The following LRRC7 variants were observed in gnomAD, a reference collection of about 807,000 sequenced individuals.
The protein encoded by LRRC7 is leucine rich repeat containing 7, also known as leucine-rich repeat-containing protein 7.
A neutral mutation model predicts 175.7 loss-of-function variants in LRRC7; 23 were observed. That is an observed-to-expected ratio of 0.13 (90% confidence interval 0.09 to 0.19). The LOEUF is 0.19. Ranked by LOEUF, LRRC7 falls within the 10% of genes least tolerant of loss-of-function variation. LRRC7 has a pLI of 1.00. For synonymous variants in LRRC7, 685 were observed against 680.9 expected (o/e 1.01, Z -0.09); for missense variants, 1,354 against 1,904.7 (o/e 0.71, Z 5.38).
chr1:69,828,705 T>A lies in LRRC7; in HGVS notation c.500+2879T>A, dbSNP rs540189151. Among the ~76,000 whole-genome samples, 53 of 152,184 alleles carry A rather than the reference T, an allele frequency of 3.5e-4. No individual in the cohort carries two copies. In the East Asian group the frequency reaches 7.7e-3, roughly 22 times the overall value. On this transcript the variant is annotated intron_variant, in intron 5 of 26. Transcript: ENST00000651989. ...ATGAGTTACACTTTTATCTTTATTT[T>A]CCAAATGTTCTCTAACATTATGATG...
At chr1:69,803,190 T>G (rs1253085359) in intron 4 of LRRC7, among the ~76,000 whole-genome samples, 1 of 151,420 alleles carries the variant, frequency 6.6e-6, no homozygotes, top group Non-Finnish European at 1.5e-5. Context: ...TATCTGAAAA[T>G]ACAAGTCCAC....
chr1:69,700,805 A>G (rs1446683645), intron 2 of LRRC7, among the ~76,000 whole-genome samples: 1 of 152,154 alleles, frequency 6.6e-6, no homozygotes, highest in South Asian at 2.1e-4. Flanking sequence ...TGAAATTACT[A>G]TGTCCCCATT....
intron 1 of LRRC7, among the ~76,000 whole-genome samples, chr1:69,637,202 G>T (rs1402887670): frequency 6.6e-6 from 1 of 151,748 alleles, no homozygotes; most frequent in Non-Finnish European, 1.5e-5. Flanking sequence ...ATTTTGAGGA[G>T]GTAGGTTTTA....
chr1:70,058,119 C>T (rs1417375721), intron 23 of LRRC7, among the ~76,000 whole-genome samples: 3 of 151,502 alleles, frequency 2.0e-5, no homozygotes, highest in Non-Finnish European at 2.9e-5. Context: ...AAGTGATTCG[C>T]GCGCCTCACC....
In LRRC7 at chr1:69,925,541, G is replaced by T. The variant is rs183908111; in HGVS notation, c.648-5966G>T. Among the ~76,000 whole-genome samples the T allele has an allele frequency of 5.5e-4, 83 of 152,142 alleles. 1 individual carries two copies. Among genetic ancestry groups the T allele is most frequent in the Admixed American group, 2.6e-4 (4 of 15,278 alleles). On this transcript the variant is annotated intron_variant, in intron 7 of 26. Coordinates refer to ENST00000651989, the MANE Select transcript of LRRC7 (RefSeq NM_001370785.2). ...GGTTTAGTCTTGGGAGGGTGTATGT[G>T]TCGAGGAATTTCTCCATTTCTTCTA...
At chr1:69,905,706 T>C (rs1162150554) in intron 7 of LRRC7, among the ~76,000 whole-genome samples, 10 of 152,194 alleles carry the variant, frequency 6.6e-5, no homozygotes, top group African/African-American at 1.4e-4. Context: ...TGAATAGTGC[T>C]GCAATAAACA....
intron 7 of LRRC7, among the ~76,000 whole-genome samples, chr1:69,930,466 AC>A (rs1274112020): frequency 1.3e-5 from 2 of 152,166 alleles, no homozygotes; most frequent in Non-Finnish European, 2.9e-5. Flanking sequence ...GGACTTAAGG[AC>A]AGAATTCTGA....
chr1:69,664,323 T>C (rs529236248), intron 1 of LRRC7, among the ~76,000 whole-genome samples: 1 of 152,326 alleles, frequency 6.6e-6, no homozygotes, highest in South Asian at 2.1e-4. Context: ...ATACACCCAG[T>C]AGTGTTAATG....
chr1:70,028,023 T>C, intron 17 of LRRC7, 148 bp from the exon 18 acceptor site: 1 of 677,112 alleles, frequency 1.5e-6, no homozygotes. Flanking sequence ...GAGAACACTA[T>C]GCGTCCTACT....
At chr1:69,758,364 A>G (rs1206520822) in intron 2 of LRRC7, among the ~76,000 whole-genome samples, 8 of 152,042 alleles carry the variant, frequency 5.3e-5, no homozygotes, top group East Asian at 1.9e-4. Context: ...ACAATCGTCT[A>G]TAAGTATTTA....
intron 25 of LRRC7, 117 bp from the exon 26 acceptor site, chr1:70,107,635 A>C (rs1299342711): frequency 8.8e-6 from 6 of 678,392 alleles, no homozygotes; most frequent in Non-Finnish European, 1.6e-5. Context: ...TTTGAAGCCT[A>C]CATGCATAAA....
In LRRC7 at chr1:70,018,807, G is replaced by A. The variant is rs751429233; in HGVS notation, c.1409G>A (p.Arg470His). The change falls in exon 15 of 27, where the codon CGT (arginine) becomes CAT (histidine). Residue 470 changes from arginine to histidine, a missense_variant. By Grantham distance (29) the Arg-to-His change is conservative. Transcript: ENST00000651989. ...AACTACATGTTTCCCCAGCAGCCTC[G>A]TGGTGATGAAGGTAAATTGTCAGTA... ...LTNYMFPQQP[R>H]GDEDFQSDSD... is the part of the protein sequence containing the mutation. 5.0e-6 allele frequency: 8 copies of A among 1,611,158 alleles called. No individual in the cohort carries two copies. The highest frequency in any genetic ancestry group is 6.8e-6 in the Non-Finnish European group (8 of 1,177,914).
At chr1:69,783,708 C>T (rs974598209) in intron 3 of LRRC7, among the ~76,000 whole-genome samples, 3 of 144,214 alleles carry the variant, frequency 2.1e-5, no homozygotes, top group Non-Finnish European at 3.0e-5. Context: ...GCCGAGATCA[C>T]GCCACTGCAC....
intron 7 of LRRC7, among the ~76,000 whole-genome samples, chr1:69,894,854 C>T (rs1645933482): frequency 6.6e-6 from 1 of 152,166 alleles, no homozygotes; most frequent in African/African-American, 2.4e-5. Flanking sequence ...TATAAAGTTA[C>T]AGTTATACAA....
At chr1:69,924,313 A>C (rs924717393) in intron 7 of LRRC7, among the ~76,000 whole-genome samples, 30 of 152,096 alleles carry the variant, frequency 2.0e-4, no homozygotes, top group Admixed American at 7.2e-4. Flanking sequence ...TATGAACTTT[A>C]AAGTAGTTTT....
chr1:69,889,367 C>T (rs531861192), intron 7 of LRRC7, among the ~76,000 whole-genome samples: 1 of 152,238 alleles, frequency 6.6e-6, no homozygotes, highest in East Asian at 1.9e-4. Flanking sequence ...AGCATTTTAC[C>T]TACAGTAGAA....
chr1:69,777,841 C>T (rs894175745), intron 3 of LRRC7, among the ~76,000 whole-genome samples: 1 of 152,168 alleles, frequency 6.6e-6, no homozygotes, highest in Non-Finnish European at 1.5e-5. Context: ...CTTAAACCAG[C>T]CTTTTCCCCC....
chr1:70,082,781 A>ATCTTTTTTTTTTT (rs1553201466), intron 24 of LRRC7, among the ~76,000 whole-genome samples: 2,762 of 52,300 alleles, frequency 0.053, 1,103 homozygotes, highest in South Asian at 0.13. Flanking sequence ...ATACCAGTAC[A>ATCTTTTTTTTTTT]TTTTTTTTTT....
At chr1:69,997,729 C>T (rs1240937287) in intron 11 of LRRC7, among the ~76,000 whole-genome samples, 5 of 151,228 alleles carry the variant, frequency 3.3e-5, no homozygotes, top group Non-Finnish European at 7.4e-5. Context: ...ATTGAACCAG[C>T]CTTGCATCCC....
Sources: gnomAD v4.1 joint callset for allele counts (sites outside exome capture counted in the v4.1 genomes callset) on GRCh38, gnomAD v4.1.1 for gene constraint, MANE v1.5 for transcripts, NCBI Gene and HGNC (gene_info 2026-07-23, HGNC 2026-07-21) for gene names.